The following SOX6 variants were observed in gnomAD, a reference collection of about 807,000 sequenced individuals.
SOX6 encodes transcription factor SOX-6.
SOX6 carries 11 observed loss-of-function variants against 97.8 expected under a neutral mutation model. The observed-to-expected ratio is 0.11, with a 90% CI of 0.07 to 0.19. The LOEUF is 0.19. Among genes scored for constraint, SOX6 ranks in the 10% least tolerant of loss-of-function variants. The pLI, the probability that SOX6 is intolerant of heterozygous loss-of-function variation, is 1.00. For missense variants in SOX6, 810 were observed against 1,039.5 expected (o/e 0.78, Z 3.04); for synonymous variants, 360 against 371.4 (o/e 0.97, Z 0.35).
At chr11:16,017,605 T>A (rs539133730) in intron 12 of SOX6, among the ~76,000 whole-genome samples, 1 of 152,204 alleles carries the variant, frequency 6.6e-6, no homozygotes, top group South Asian at 2.1e-4. Flanking sequence ...ACAAGTTACG[T>A]CTGGGCAGCT....
intron 4 of SOX6, among the ~76,000 whole-genome samples, chr11:16,221,161 G>A (rs1415282512): frequency 6.6e-6 from 1 of 152,038 alleles, no homozygotes; most frequent in African/African-American, 2.4e-5. Flanking sequence ...GTAATGCTAA[G>A]ACATTATTTG....
intron 4 of SOX6, among the ~76,000 whole-genome samples, chr11:16,567,733 A>ATT (rs58565035): frequency 0.27 from 35,054 of 129,508 alleles, 5,768 homozygotes; most frequent in East Asian, 0.52. Context: ...CGCCTGGCTG[A>ATT]TTTTTTTTTT....
At chr11:16,670,998 C>G (rs1255906290) in intron 3 of SOX6, among the ~76,000 whole-genome samples, 1 of 151,952 alleles carries the variant, frequency 6.6e-6, no homozygotes, top group Non-Finnish European at 1.5e-5. Context: ...TAAGTGTCAC[C>G]TACTAAATCA....
chr11:16,425,972 TA>T (rs898120340), intron 1 of SOX6, among the ~76,000 whole-genome samples: 6 of 151,758 alleles, frequency 4.0e-5, no homozygotes, highest in African/African-American at 1.5e-4. Context: ...AAAACTATTT[TA>T]AGGCTGGGCG....
Position 15,972,882 on chromosome 11 carries a change from T to C in SOX6, c.2414A>G (p.Asp805Gly). The change falls in exon 16 of 16, where the codon GAT becomes GGT. Residue 805 changes from aspartate (D) to glycine (G), a missense_variant. Physicochemically the swap from Asp to Gly is moderately conservative, Grantham distance 94 (BLOSUM62 -1). Transcript: ENST00000683767. ...TGATTTGGGGTCATCTTCATAGTCA[T>C]CATACATTTCCATTTCATCCTCTCC... ...INGEDEMEMY[D>G]DYEDDPKSDY... 6.2e-7 allele frequency: 1 copy of C among 1,614,236 alleles called. No individual in the cohort carries two copies. The highest frequency in any genetic ancestry group is 8.5e-7 in the Non-Finnish European group (1 of 1,180,036).
chr11:16,110,635 C>A (rs1000853944), intron 7 of SOX6, among the ~76,000 whole-genome samples: 2 of 152,144 alleles, frequency 1.3e-5, no homozygotes, highest in Non-Finnish European at 2.9e-5. Flanking sequence ...AATCTCATAA[C>A]ATCTCAATTC....
intron 4 of SOX6, among the ~76,000 whole-genome samples, chr11:16,228,662 CTTT>C (rs1390962560): frequency 1.3e-5 from 2 of 152,062 alleles, no homozygotes; most frequent in Admixed American, 1.3e-4. Context: ...ATTTTAGGTG[CTTT>C]TACCACACAC....
At chr11:16,282,043 T>C (rs1288666119) in intron 3 of SOX6, among the ~76,000 whole-genome samples, 2 of 149,270 alleles carry the variant, frequency 1.3e-5, no homozygotes, top group Non-Finnish European at 3.0e-5. Context: ...ACAATACAGA[T>C]TTAGGAAATT....
In SOX6 at chr11:16,381,517, AT is replaced by A. The variant is rs533243731; in HGVS notation, c.-4-40266del. On this transcript the variant is annotated intron_variant, in intron 1 of 15. Transcript: ENST00000396356. ...GGACACTATGCTTAAAATATGTTCA[AT>A]TTTTTTTTCTTTACCTCTGCTGCAA... Among the ~76,000 whole-genome samples the A allele has an allele frequency of 3.7e-4, 56 of 151,270 alleles. 1 individual carries two copies. The East Asian group carries it at 7.0e-3, about 19-fold the overall frequency.
chr11:16,644,387 T>C (rs1564857370), intron 3 of SOX6, among the ~76,000 whole-genome samples: 1 of 152,118 alleles, frequency 6.6e-6, no homozygotes, highest in Non-Finnish European at 1.5e-5. Flanking sequence ...TAACCACACC[T>C]AGCAACAAAG....
intron 7 of SOX6, among the ~76,000 whole-genome samples, chr11:16,103,269 A>G (rs1247099804): frequency 2.0e-5 from 3 of 152,068 alleles, no homozygotes; most frequent in Non-Finnish European, 4.4e-5. Flanking sequence ...ATCATATAAA[A>G]AAAAGCTCAA....
In SOX6 at chr11:16,616,776, T is replaced by A. The variant is rs145572328; in HGVS notation, n.430-4516A>T. ...GGCACATACTATTGAAATTACCTGT[T>A]ATTTTTATTAACCAACAAATTGTAT... On this transcript the variant is annotated intron_variant and non_coding_transcript_variant, in intron 3 of 5. Transcript: ENST00000524520. 7.1e-3 allele frequency among the ~76,000 whole-genome samples: 1,077 copies of A among 152,074 alleles called. 9 individuals are homozygous for A. The highest frequency in any genetic ancestry group is 0.025 in the African/African-American group (1,032 of 41,568).
At chr11:16,437,196 G>A (rs780665149) in intron 1 of SOX6, among the ~76,000 whole-genome samples, 1 of 151,314 alleles carries the variant, frequency 6.6e-6, no homozygotes, top group Admixed American at 6.6e-5. Context: ...CTGACCCCAA[G>A]AGCTCAAGGC....
At chr11:16,427,600 A>G (rs1017737730) in intron 1 of SOX6, among the ~76,000 whole-genome samples, 1 of 151,850 alleles carries the variant, frequency 6.6e-6, no homozygotes, top group African/African-American at 2.4e-5. Flanking sequence ...TGTCCTTGCA[A>G]TAGTTTGCTG....
intron 12 of SOX6, among the ~76,000 whole-genome samples, chr11:16,024,344 G>C (rs1164746028): frequency 6.6e-6 from 1 of 152,034 alleles, no homozygotes; most frequent in African/African-American, 2.4e-5. Flanking sequence ...TACAATGGCA[G>C]CTTCTACCTC....
At chr11:16,440,921 T>A (rs1363431184) in intron 1 of SOX6, among the ~76,000 whole-genome samples, 2 of 152,156 alleles carry the variant, frequency 1.3e-5, no homozygotes, top group African/African-American at 4.8e-5. Flanking sequence ...AAATTTGTTT[T>A]TCATATTAAA....
intron 1 of SOX6, among the ~76,000 whole-genome samples, chr11:16,426,207 G>T (rs111556836): frequency 1.1e-3 from 140 of 123,484 alleles, no homozygotes; most frequent in African/African-American, 3.9e-3. Flanking sequence ...AGTGAGCTGA[G>T]ATTGCGCCAC....
intron 4 of SOX6, chr11:16,576,757 T>C (rs1847988129): frequency 6.6e-6 from 1 of 152,218 alleles, no homozygotes; most frequent in Non-Finnish European, 1.5e-5. Flanking sequence ...AAGGTCTTTA[T>C]CCTCATTTAA....
chr11:16,657,894 G>A (rs934250702), intron 3 of SOX6, among the ~76,000 whole-genome samples: 5 of 152,108 alleles, frequency 3.3e-5, no homozygotes, highest in African/African-American at 1.2e-4. Flanking sequence ...TTTTTACTCA[G>A]TATAATGTTT....
Sources: allele counts gnomAD v4.1 joint callset (sites outside exome capture counted in the v4.1 genomes callset), GRCh38; gene constraint gnomAD v4.1.1; transcripts MANE v1.5; gene names NCBI Gene and HGNC (gene_info 2026-07-23, HGNC 2026-07-21).